CDK5RAP2: variants seen among roughly 807,000 people sequenced by gnomAD.
The protein encoded by CDK5RAP2 is CDK5 regulatory subunit-associated protein 2.
CDK5RAP2 carries 147 observed loss-of-function variants against 232.9 expected under a neutral mutation model. That is an observed-to-expected ratio of 0.63 (90% CI 0.55 to 0.72). The LOEUF (loss-of-function observed/expected upper bound fraction) is 0.72, where lower values mean the gene tolerates loss of function less well. Ranked by LOEUF, CDK5RAP2 falls within the 30% of genes least tolerant of loss-of-function variation. The pLI is 0.00. For synonymous variants in CDK5RAP2, 833 were observed against 833.7 expected (o/e 1.00, Z 0.01); for missense variants, 2,195 against 2,231.5 (o/e 0.98, Z 0.33).
chr9:120,484,714 ACT>A (rs1008191399), intron 14 of CDK5RAP2, among the ~76,000 whole-genome samples: 4 of 151,696 alleles, frequency 2.6e-5, no homozygotes, highest in Non-Finnish European at 5.9e-5. Flanking sequence ...ACAGAGCAAG[ACT>A]CTGTCTCAAA....
intron 24 of CDK5RAP2, among the ~76,000 whole-genome samples, chr9:120,439,128 C>T (rs2035747940): frequency 6.6e-6 from 1 of 152,192 alleles, no homozygotes; most frequent in Non-Finnish European, 1.5e-5. Context: ...GAGCCCCCAA[C>T]TTGAGGAGGG....
intron 12 of CDK5RAP2, among the ~76,000 whole-genome samples, chr9:120,493,255 C>T (rs2038994285): frequency 1.3e-5 from 2 of 152,204 alleles, no homozygotes; most frequent in African/African-American, 4.8e-5. Flanking sequence ...AGACTTCTGA[C>T]TTCTAGAATT....
In CDK5RAP2 at chr9:120,577,012, A is replaced by C. The variant is rs2043057900; in HGVS notation, c.59+2908T>G. Among the ~76,000 whole-genome samples, 3 of 152,220 alleles carry C rather than the reference A, an allele frequency of 2.0e-5. No individual in the cohort carries two copies. The South Asian group carries it at 6.2e-4, about 31-fold the overall frequency. ...TAATGCTAAGTTAAATAAACCAGTC[A>C]CAGAAGGACAAATAGTGTATGATTC... On this transcript the variant is annotated intron_variant, in intron 1 of 37. Transcript: ENST00000349780.
chr9:120,525,216 C>T lies in CDK5RAP2; in HGVS notation c.1000-138G>A. The T allele has an allele frequency of 4.1e-6, 3 of 724,806 alleles. No homozygotes were observed. The South Asian group carries it at 4.6e-5, about 11-fold the overall frequency. The allele number at this position is 724,806 out of a possible 1,614,324, so 44.9% of individuals were successfully genotyped here. On this transcript the variant is annotated intron_variant, in intron 10 of 37. Transcript: ENST00000349780. ...TCAGAAGAGATTCGAGTGGGATTTC[C>T]AGTTTAGCCGTTTACTAGCTGGATG... is the stretch of plus-strand genomic sequence containing the variant.
chr9:120,502,168 C>T (rs1005723815), intron 12 of CDK5RAP2, among the ~76,000 whole-genome samples: 2 of 152,208 alleles, frequency 1.3e-5, no homozygotes, highest in African/African-American at 4.8e-5. Flanking sequence ...TTTTAGAAAT[C>T]TTCCCCTGAA....
chr9:120,406,211 GCAGGC>G (rs1401905269), intron 32 of CDK5RAP2: 3 of 152,196 alleles, frequency 2.0e-5, no homozygotes, highest in Non-Finnish European at 4.4e-5. Flanking sequence ...TGCTTGTAAA[GCAGGC>G]TGGCATTCCT....
At position 120,413,816 on chromosome 9, in the gene CDK5RAP2, A is replaced by AGGGAGGAG. The variant is rs1554731777; in HGVS notation, c.4297+1223_4297+1224insCTCCTCCC. 9.8e-4 allele frequency among the ~76,000 whole-genome samples: 120 copies of AGGGAGGAG among 122,260 alleles called. 2 individuals carry two copies. The East Asian group carries it at 0.022, about 22-fold the overall frequency. The allele number at this position is 122,260 out of a possible 152,430, so 80.2% of individuals were successfully genotyped here. ...AAATGGGCGCAGTGAGCGAGGAGGG[A>AGGGAGGAG]GGAGGGAGGAGGGAGGAGGGAGGAG... On this transcript the variant is annotated intron_variant, in intron 28 of 37. Transcript: ENST00000349780.
intron 37 of CDK5RAP2, 133 bp downstream of exon 37, chr9:120,389,608 G>C: frequency 1.2e-6 from 1 of 856,518 alleles, no homozygotes; most frequent in Admixed American, 2.0e-5. Flanking sequence ...ATGCACTGCT[G>C]GCAGAAACAA....
chr9:120,533,798 A>G (rs199850939), intron 7 of CDK5RAP2, among the ~76,000 whole-genome samples: 16,239 of 88,008 alleles, frequency 0.18, 761 homozygotes, highest in Non-Finnish European at 0.21. Context: ...GACTCCATCT[A>G]AAAAAAAAAA....
intron 23 of CDK5RAP2, among the ~76,000 whole-genome samples, chr9:120,442,428 A>T (rs2035953323): frequency 6.6e-6 from 1 of 152,234 alleles, no homozygotes; most frequent in Non-Finnish European, 1.5e-5. Flanking sequence ...AAAAAGAAAC[A>T]GCAATGAAGA....
chr9:120,571,873 A>G lies in CDK5RAP2; in HGVS notation c.127+101T>C, dbSNP rs544388843. 6.7e-6 allele frequency: 6 copies of G among 894,640 alleles called. No individual in the cohort carries two copies. In the East Asian group the frequency reaches 1.5e-4, roughly 22 times the overall value. The allele number at this position is 894,640 out of a possible 1,614,324, so 55.4% of individuals were successfully genotyped here. A position where few individuals can be genotyped will look rare whatever the true frequency, so the allele number is the denominator to read the frequency against. ...CACCTACGGTGTGCCAGTTCAGGGA[A>G]GCCTCTGGGCCCCAGAGATATGAAA... On this transcript the variant is annotated intron_variant, in intron 2 of 37. Transcript: ENST00000349780.
chr9:120,402,780 G>GC, intron 34 of CDK5RAP2, 26 bp downstream of exon 34: 2 of 1,612,926 alleles, frequency 1.2e-6, no homozygotes, highest in Non-Finnish European at 1.7e-6. Context: ...AGCAGCTTGT[G>GC]CCCCCCAGCT....
At chr9:120,440,990 G>A (rs921211416) in intron 23 of CDK5RAP2, among the ~76,000 whole-genome samples, 1 of 152,156 alleles carries the variant, frequency 6.6e-6, no homozygotes, top group African/African-American at 2.4e-5. Flanking sequence ...CCTTAGAGAT[G>A]CAGTCAAACT....
intron 12 of CDK5RAP2, among the ~76,000 whole-genome samples, chr9:120,516,783 C>T (rs2040359685): frequency 6.6e-6 from 1 of 152,136 alleles, no homozygotes; most frequent in Admixed American, 6.5e-5. Flanking sequence ...GAGTTATGAG[C>T]ATGCCACCGC....
chr9:120,480,987 G>A (rs1184051226), intron 14 of CDK5RAP2, among the ~76,000 whole-genome samples: 1 of 152,218 alleles, frequency 6.6e-6, no homozygotes, highest in African/African-American at 2.4e-5. Context: ...ACAACCACGT[G>A]TGCAGCCAGA....
intron 25 of CDK5RAP2, among the ~76,000 whole-genome samples, chr9:120,427,319 A>T (rs1564201640): frequency 6.6e-6 from 1 of 152,254 alleles, no homozygotes; most frequent in Non-Finnish European, 1.5e-5. Flanking sequence ...ATTGTGCCAC[A>T]TTCAATGCCG....
chr9:120,453,373 A>G (rs955303943), intron 21 of CDK5RAP2, 83 bp downstream of exon 21: 116 of 1,302,506 alleles, frequency 8.9e-5, no homozygotes, highest in Non-Finnish European at 1.2e-4. Context: ...ATAAATGGGA[A>G]AAAAGTGGTG....
At chr9:120,551,505 A>G (rs796907335) in intron 3 of CDK5RAP2, among the ~76,000 whole-genome samples, 4 of 152,364 alleles carry the variant, frequency 2.6e-5, no homozygotes, top group African/African-American at 9.6e-5. Context: ...TCCTCCTGAA[A>G]TAAATCAATG....
intron 11 of CDK5RAP2, among the ~76,000 whole-genome samples, chr9:120,519,226 G>C (rs1349890266): frequency 6.6e-6 from 1 of 151,784 alleles, no homozygotes; most frequent in Non-Finnish European, 1.5e-5. Context: ...AATTTTCACA[G>C]TAACTGTCTT....
Sources: allele counts gnomAD v4.1 joint callset (sites outside exome capture counted in the v4.1 genomes callset), GRCh38; gene constraint gnomAD v4.1.1; transcripts MANE v1.5; gene names NCBI Gene and HGNC (gene_info 2026-07-23, HGNC 2026-07-21).